The following LRP1B variants were observed in gnomAD, a reference collection of about 807,000 sequenced individuals.
The protein encoded by LRP1B is LDL receptor related protein 1B.
In LRP1B, 217 loss-of-function variants were observed where a neutral mutation model predicts 556.6. The observed-to-expected ratio is 0.39, with a 90% CI of 0.35 to 0.44. The LOEUF is 0.44. Among genes scored for constraint, LRP1B ranks in the 20% least tolerant of loss-of-function variants. The probability of loss-of-function intolerance (pLI) is 1.00; values close to 1 mark genes in which losing one functional copy is unlikely to be tolerated. For missense variants in LRP1B, 5,053 were observed against 5,620.8 expected (o/e 0.90, Z 3.23); for synonymous variants, 2,047 against 1,865.8 (o/e 1.10, Z -2.50).
chr2:141,410,966 T>C (rs1690829901), intron 3 of LRP1B, among the ~76,000 whole-genome samples: 2 of 152,054 alleles, frequency 1.3e-5, no homozygotes, highest in Non-Finnish European at 2.9e-5. Flanking sequence ...TTTTAAACTC[T>C]CCTAGCTATA....
At chr2:141,011,261 C>T (rs1697741435) in intron 14 of LRP1B, among the ~76,000 whole-genome samples, 1 of 150,170 alleles carries the variant, frequency 6.7e-6, no homozygotes, top group African/African-American at 2.4e-5. Flanking sequence ...CACAGATCAT[C>T]TACTTTCAAA....
At chr2:141,330,900 C>T (rs1267216145) in intron 3 of LRP1B, among the ~76,000 whole-genome samples, 1 of 152,022 alleles carries the variant, frequency 6.6e-6, no homozygotes, top group Non-Finnish European at 1.5e-5. Context: ...CTACAGCTGC[C>T]GCCCACCACG....
At position 140,233,308 on chromosome 2, in the gene LRP1B, G is replaced by A. The variant is rs2104871002; in HGVS notation, c.13678C>T (p.Pro4560Ser). Residue 4560 changes from proline (P) to serine (S), a missense_variant, in exon 91 of 91, where the codon CCG becomes TCG. Pro to Ser is a moderately conservative substitution (Grantham distance 74, BLOSUM62 -1). Transcript: ENST00000389484. The stretch of plus-strand genomic sequence containing the variant: ...TCCATATATAATTTTGCATATACCG[G>A]ATTGGAGTAATTTGTTGGCTGAAGG... ...LTAGPTNYSN[P>S]VYAKLYMDGQ... is the part of the protein sequence containing the mutation. 1 of 1,591,708 alleles carries A rather than the reference G, an allele frequency of 6.3e-7. No individual in the cohort carries two copies. The highest frequency in any genetic ancestry group is 8.6e-7 in the Non-Finnish European group (1 of 1,168,046).
intron 1 of LRP1B, among the ~76,000 whole-genome samples, chr2:142,001,754 C>A (rs1702662196): frequency 6.6e-6 from 1 of 152,102 alleles, no homozygotes; most frequent in Non-Finnish European, 1.5e-5. Context: ...AATGGTAATA[C>A]CATTTAAATT....
At chr2:140,331,901 TG>T (rs1026735896) in intron 79 of LRP1B, among the ~76,000 whole-genome samples, 1 of 151,944 alleles carries the variant, frequency 6.6e-6, no homozygotes, top group African/African-American at 2.4e-5. Flanking sequence ...TTTGCCATGT[TG>T]GGCAGGCTGG....
intron 7 of LRP1B, among the ~76,000 whole-genome samples, chr2:141,166,130 C>A (rs933516936): frequency 6.6e-6 from 1 of 151,772 alleles, no homozygotes; most frequent in Non-Finnish European, 1.5e-5. Context: ...TTCTATCTTT[C>A]GAAACTGTAA....
At chr2:141,368,881 G>T (rs1559033612) in intron 3 of LRP1B, among the ~76,000 whole-genome samples, 2 of 151,566 alleles carry the variant, frequency 1.3e-5, no homozygotes, top group African/African-American at 4.9e-5. Flanking sequence ...TTAAAGAAAA[G>T]TTTTTTTTCT....
chr2:140,552,367 A>G (rs953192391), intron 43 of LRP1B, among the ~76,000 whole-genome samples: 34 of 152,144 alleles, frequency 2.2e-4, no homozygotes, highest in Admixed American at 6.6e-4. Flanking sequence ...ACAACCTTTT[A>G]TTAACTTTAA....
intron 59 of LRP1B, among the ~76,000 whole-genome samples, chr2:140,481,422 C>A (rs946195165): frequency 6.6e-6 from 1 of 151,922 alleles, no homozygotes; most frequent in Non-Finnish European, 1.5e-5. Flanking sequence ...AGTCACTTAG[C>A]CAGTTCGTGG....
At chr2:140,821,416 G>A (rs1371096849) in intron 31 of LRP1B, among the ~76,000 whole-genome samples, 1 of 152,262 alleles carries the variant, frequency 6.6e-6, no homozygotes, top group East Asian at 1.9e-4. Flanking sequence ...CTTTTGAGAT[G>A]TGCAGTCTTA....
intron 1 of LRP1B, among the ~76,000 whole-genome samples, chr2:141,878,707 G>A (rs1698853875): frequency 6.6e-6 from 1 of 151,924 alleles, no homozygotes; most frequent in South Asian, 2.1e-4. Context: ...ATAAATAACT[G>A]TTTAATGGTA....
chr2:141,566,444 G>A (rs6705693), intron 2 of LRP1B, among the ~76,000 whole-genome samples: 4,733 of 152,138 alleles, frequency 0.031, 242 homozygotes, highest in African/African-American at 0.11. Flanking sequence ...AATAAGAATT[G>A]TATAATTTTC....
At chr2:141,057,093 C>T (rs186851591) in intron 9 of LRP1B, among the ~76,000 whole-genome samples, 22 of 151,922 alleles carry the variant, frequency 1.4e-4, no homozygotes, top group Non-Finnish European at 2.5e-4. Flanking sequence ...TGATCCAATC[C>T]ACCATCCTCT....
At chr2:141,663,505 A>C (rs1690303480) in intron 2 of LRP1B, among the ~76,000 whole-genome samples, 1 of 152,180 alleles carries the variant, frequency 6.6e-6, no homozygotes, top group African/African-American at 2.4e-5. Context: ...GATAACGAGA[A>C]TATCACCACT....
chr2:141,401,159 A>G (rs1559050290), intron 3 of LRP1B, among the ~76,000 whole-genome samples: 1 of 152,128 alleles, frequency 6.6e-6, no homozygotes, highest in Non-Finnish European at 1.5e-5. Flanking sequence ...TAAAATACTG[A>G]TTTATAATTA....
intron 35 of LRP1B, among the ~76,000 whole-genome samples, chr2:140,748,129 AT>A (rs1559093650): frequency 0.22 from 15,249 of 68,952 alleles, 1,649 homozygotes; most frequent in Non-Finnish European, 0.28. Flanking sequence ...ATATATATAT[AT>A]ATATATAATT....
intron 7 of LRP1B, among the ~76,000 whole-genome samples, chr2:141,130,585 T>G (rs1354626158): frequency 6.6e-6 from 1 of 152,142 alleles, no homozygotes; most frequent in Non-Finnish European, 1.5e-5. Flanking sequence ...TCTAAAAATG[T>G]ACATGACAGA....
At chr2:141,537,940 G>A (rs1685122119) in intron 2 of LRP1B, among the ~76,000 whole-genome samples, 1 of 152,048 alleles carries the variant, frequency 6.6e-6, no homozygotes, top group Non-Finnish European at 1.5e-5. Flanking sequence ...TCCACATGAG[G>A]GATCCGCTCC....
intron 6 of LRP1B, among the ~76,000 whole-genome samples, chr2:141,204,160 T>G (rs1682165522): frequency 6.6e-6 from 1 of 152,202 alleles, no homozygotes; most frequent in African/African-American, 2.4e-5. Context: ...TAAACTCACT[T>G]GATTTGTCAA....
Sources: allele counts gnomAD v4.1 joint callset (sites outside exome capture counted in the v4.1 genomes callset), GRCh38; gene constraint gnomAD v4.1.1; transcripts MANE v1.5; gene names NCBI Gene and HGNC (gene_info 2026-07-23, HGNC 2026-07-21).